The following ZFHX3 variants were observed in gnomAD, a reference collection of about 807,000 sequenced individuals.
ZFHX3 encodes zinc finger homeobox 3.
In ZFHX3, 42 loss-of-function variants were observed where a neutral mutation model predicts 279.1. That is an observed-to-expected ratio of 0.15 (90% CI 0.12 to 0.19). The LOEUF is 0.19. ZFHX3 is among the 10% of genes least tolerant of loss of function. ZFHX3 has a pLI of 1.00. For synonymous variants in ZFHX3, 2,293 were observed against 1,957.8 expected (o/e 1.17, Z -4.52); for missense variants, 4,981 against 4,754.0 (o/e 1.05, Z -1.40).
chr16:73,433,835 G>A (rs1327831465), intron 3 of ZFHX3, among the ~76,000 whole-genome samples: 1 of 152,176 alleles, frequency 6.6e-6, no homozygotes, highest in African/African-American at 2.4e-5. Flanking sequence ...GTGGCTTCCC[G>A]GCCGCCTGGG....
intron 1 of ZFHX3, among the ~76,000 whole-genome samples, chr16:73,825,931 C>A: frequency 1.3e-5 from 1 of 76,568 alleles, no homozygotes; most frequent in Non-Finnish European, 2.3e-5. Flanking sequence ...TTTTCCAATT[C>A]TGTGAAGAAA....
At chr16:73,716,864 C>T (rs778324421) in intron 1 of ZFHX3, among the ~76,000 whole-genome samples, 1 of 152,070 alleles carries the variant, frequency 6.6e-6, no homozygotes, top group Non-Finnish European at 1.5e-5. Context: ...CTCTCTGCAT[C>T]ACAACTGTCA....
intron 3 of ZFHX3, among the ~76,000 whole-genome samples, chr16:72,894,085 G>T (rs2144096755): frequency 6.6e-6 from 1 of 151,510 alleles, no homozygotes; most frequent in South Asian, 2.1e-4. Context: ...GGAGGCAGAG[G>T]TTGCAGTGAG....
chr16:72,789,645 G>A (rs1483033028), intron 9 of ZFHX3: 1 of 152,308 alleles, frequency 6.6e-6, no homozygotes, highest in Admixed American at 6.5e-5. Flanking sequence ...TGATGAATAG[G>A]AAAGTGTGGA....
chr16:73,522,480 C>A (rs543371370), intron 2 of ZFHX3, among the ~76,000 whole-genome samples: 12 of 152,148 alleles, frequency 7.9e-5, no homozygotes, highest in Non-Finnish European at 1.8e-4. Flanking sequence ...AGCCCAGGAT[C>A]TGGTACAGAA....
intron 4 of ZFHX3, among the ~76,000 whole-genome samples, chr16:73,297,363 C>G (rs147226694): frequency 6.6e-6 from 1 of 152,120 alleles, no homozygotes; most frequent in East Asian, 1.9e-4. Context: ...GACTCTAGGA[C>G]AAACCTACAT....
At chr16:73,631,137 T>A (rs1037925182) in intron 2 of ZFHX3, among the ~76,000 whole-genome samples, 1 of 152,190 alleles carries the variant, frequency 6.6e-6, no homozygotes, top group African/African-American at 2.4e-5. Flanking sequence ...AAAGAGAAAC[T>A]TGAAGTACGC....
At chr16:73,594,000 T>C (rs1597017191) in intron 2 of ZFHX3, among the ~76,000 whole-genome samples, 1 of 152,194 alleles carries the variant, frequency 6.6e-6, no homozygotes, top group African/African-American at 2.4e-5. Flanking sequence ...TACCCACTCT[T>C]GTTACTCCTA....
intron 1 of ZFHX3, among the ~76,000 whole-genome samples, chr16:73,882,185 C>G (rs930470666): frequency 3.9e-5 from 6 of 152,060 alleles, no homozygotes; most frequent in Non-Finnish European, 7.4e-5. Flanking sequence ...GACTGTTTGT[C>G]CCACAGATCA....
chr16:73,700,163 A>G (rs1232367050), intron 1 of ZFHX3, among the ~76,000 whole-genome samples: 2 of 152,154 alleles, frequency 1.3e-5, no homozygotes, highest in Non-Finnish European at 2.9e-5. Flanking sequence ...TCAAGGCTGC[A>G]GTGAGCTGTG....
intron 1 of ZFHX3, among the ~76,000 whole-genome samples, chr16:72,975,579 A>C (rs1396802902): frequency 6.6e-6 from 1 of 152,174 alleles, no homozygotes; most frequent in Admixed American, 6.5e-5. Context: ...CATTATTTGC[A>C]CTGTTACTTT....
chr16:73,532,995 C>T (rs187255577), intron 2 of ZFHX3, among the ~76,000 whole-genome samples: 1 of 152,196 alleles, frequency 6.6e-6, no homozygotes, highest in African/African-American at 2.4e-5. Context: ...GTCAATTAAA[C>T]CTCTGTTCTT....
At chr16:73,560,693 G>C (rs1185440548) in intron 2 of ZFHX3, among the ~76,000 whole-genome samples, 1 of 152,194 alleles carries the variant, frequency 6.6e-6, no homozygotes, top group African/African-American at 2.4e-5. Flanking sequence ...ATAGCACGTG[G>C]ACTACACGAG....
At chr16:73,320,824 C>T (rs1379077891) in intron 3 of ZFHX3, among the ~76,000 whole-genome samples, 12 of 152,164 alleles carry the variant, frequency 7.9e-5, no homozygotes, top group Admixed American at 7.9e-4. Flanking sequence ...ATTTGAAAAT[C>T]TCTTTACCAT....
chr16:73,611,736 C>CT (rs1567532868), intron 2 of ZFHX3, among the ~76,000 whole-genome samples: 2 of 152,136 alleles, frequency 1.3e-5, no homozygotes, highest in Non-Finnish European at 2.9e-5. Context: ...TTTGTTTAAT[C>CT]TTTTTTTGTT....
chr16:73,215,304 C>T (rs1054364999), intron 5 of ZFHX3, among the ~76,000 whole-genome samples: 2 of 152,152 alleles, frequency 1.3e-5, no homozygotes, highest in Non-Finnish European at 2.9e-5. Context: ...GTTCTCTCTA[C>T]CCATTTTTCA....
chr16:73,481,536 T>A (rs1433182991), intron 2 of ZFHX3, among the ~76,000 whole-genome samples: 1 of 135,506 alleles, frequency 7.4e-6, no homozygotes, highest in Non-Finnish European at 1.6e-5. Context: ...TGGTCTCAGG[T>A]GATCCCCCCT....
At chr16:72,956,354 A>G (rs1246747739) in intron 2 of ZFHX3, among the ~76,000 whole-genome samples, 4 of 152,186 alleles carry the variant, frequency 2.6e-5, no homozygotes, top group African/African-American at 9.7e-5. Context: ...TGGTCCCACG[A>G]AGTCCATTAG....
Position 73,379,190 on chromosome 16 carries a change from G to A in ZFHX3, c.-1290-60854C>T, listed in dbSNP as rs76730648. ...TTTCAGATGTTTAACGATAATACCTGATTTCTTAGTCATGGAGGAGTAAAG... is the reference window on the plus strand; with the variant it reads ...TTTCAGATGTTTAACGATAATACCTAATTTCTTAGTCATGGAGGAGTAAAG... On this transcript the variant is annotated intron_variant, in intron 3 of 17. Coordinates refer to the ZFHX3 transcript ENST00000641206. Among the ~76,000 whole-genome samples the A allele has an allele frequency of 1.4e-4, 21 of 152,280 alleles. No individual in the cohort carries two copies. The East Asian group carries it at 4.0e-3, about 29-fold the overall frequency.
Sources: gnomAD v4.1 joint callset for allele counts (sites outside exome capture counted in the v4.1 genomes callset) on GRCh38, gnomAD v4.1.1 for gene constraint, MANE v1.5 for transcripts, NCBI Gene and HGNC (gene_info 2026-07-23, HGNC 2026-07-21) for gene names.